ROCK2: variants seen among roughly 807,000 people sequenced by gnomAD.
ROCK2 encodes Rho associated coiled-coil containing protein kinase 2, also known as rho-associated protein kinase 2.
Under a neutral mutation model 195.1 loss-of-function variants are expected in ROCK2, and 61 were observed. The ratio of observed to expected loss-of-function variants is 0.31; its 90% CI spans 0.25 to 0.39. The LOEUF is 0.39. Ranked by LOEUF, ROCK2 falls within the 10% of genes least tolerant of loss-of-function variation. ROCK2 has a pLI of 1.00. For synonymous variants in ROCK2, 504 were observed against 545.5 expected, an observed-to-expected ratio of 0.92 and a Z score of 1.06; for missense variants, 1,109 against 1,637.4, an observed-to-expected ratio of 0.68 and a Z score of 5.57.
chr2:11,276,581 C>T (rs1285765194), intron 3 of ROCK2, among the ~76,000 whole-genome samples: 3 of 152,148 alleles, frequency 2.0e-5, no homozygotes, highest in African/African-American at 4.8e-5. Flanking sequence ...GTTAAAATGA[C>T]CATTACCCAA....
intron 1 of ROCK2, among the ~76,000 whole-genome samples, chr2:11,321,812 A>C (rs1462325846): frequency 6.6e-6 from 1 of 152,144 alleles, no homozygotes; most frequent in Non-Finnish European, 1.5e-5. Context: ...GATAGGTTTA[A>C]AAATAGATAA....
chr2:11,195,188 G>A (rs1009478080), intron 27 of ROCK2, 163 bp from the exon 28 acceptor site: 1 of 380,942 alleles, frequency 2.6e-6, no homozygotes, highest in East Asian at 3.9e-5. Context: ...AGGATCAGTA[G>A]TAAAAAGTTA....
chr2:11,193,799 C>T lies in ROCK2; in HGVS notation c.3667G>A (p.Glu1223Lys). The T allele has an allele frequency of 6.3e-7, 1 of 1,593,006 alleles. No individual in the cohort carries two copies. The highest frequency in any genetic ancestry group is 1.4e-5 in the African/African-American group (1 of 73,734). Residue 1223 changes from glutamate (E) to lysine (K), a missense_variant, in exon 30 of 33, where the codon GAA (glutamate) becomes AAA (lysine). This residue lies in a region of ROCK2 where 221 missense variants were observed against 355.1 expected (regional missense o/e 0.62). Transcript: ENST00000315872. ...TTTACCTGGAATATCCTTGGAATTT[C>T]TTTAGCATCTGCTCTATACACATCT... ...QTDVYRADAK[E>K]IPRIFQILYA...
intron 6 of ROCK2, 54 bp downstream of exon 6, chr2:11,227,200 A>C: frequency 6.8e-7 from 1 of 1,474,082 alleles, no homozygotes; most frequent in South Asian, 1.2e-5. Context: ...TTCTTGACTG[A>C]AATAAAGTAT....
intron 1 of ROCK2, among the ~76,000 whole-genome samples, chr2:11,323,294 T>C (rs1668452868): frequency 6.6e-6 from 1 of 152,218 alleles, no homozygotes; most frequent in South Asian, 2.1e-4. Context: ...CTGCATGACT[T>C]TGGACAAACC....
chr2:11,232,811 C>A (rs1173280551), intron 5 of ROCK2, among the ~76,000 whole-genome samples: 3 of 152,126 alleles, frequency 2.0e-5, no homozygotes, highest in African/African-American at 7.2e-5. Context: ...AATCCCTGTA[C>A]ATGAACAAGA....
At position 11,319,643 on chromosome 2, in the gene ROCK2, T is replaced by C. The variant is rs547946748; in HGVS notation, c.141+24353A>G. On this transcript the variant is annotated intron_variant, in intron 1 of 32. Transcript: ENST00000315872. Reference sequence around the variant, plus strand: ...CCAGAACTTCCAACACTATGTTGAATAGGAGTGGTGAGAGAGGGCATCCCT... The same window carrying C: ...CCAGAACTTCCAACACTATGTTGAACAGGAGTGGTGAGAGAGGGCATCCCT... Among the ~76,000 whole-genome samples the C allele has an allele frequency of 4.2e-3, 640 of 152,236 alleles. 3 individuals are homozygous for C. Among genetic ancestry groups the C allele is most frequent in the African/African-American group, 0.014 (570 of 41,548 alleles).
At chr2:11,234,943 AAGCAT>A (rs761869990) in intron 5 of ROCK2, among the ~76,000 whole-genome samples, 2 of 152,174 alleles carry the variant, frequency 1.3e-5, no homozygotes, top group Non-Finnish European at 2.9e-5. Flanking sequence ...TTGGCTTTAT[AAGCAT>A]ACTGGAAAGT....
At chr2:11,238,737 T>C (rs909355951) in intron 4 of ROCK2, among the ~76,000 whole-genome samples, 1 of 152,030 alleles carries the variant, frequency 6.6e-6, no homozygotes, top group African/African-American at 2.4e-5. Flanking sequence ...TCCCAGCTAC[T>C]TGGGAGGCTG....
At chr2:11,280,236 G>A (rs994866259) in intron 3 of ROCK2, among the ~76,000 whole-genome samples, 8 of 151,996 alleles carry the variant, frequency 5.3e-5, no homozygotes, top group African/African-American at 1.9e-4. Context: ...TATTGATAAG[G>A]CTCTAGCCAG....
chr2:11,254,320 T>C (rs1488242184), intron 3 of ROCK2, among the ~76,000 whole-genome samples: 1 of 152,162 alleles, frequency 6.6e-6, no homozygotes, highest in African/African-American at 2.4e-5. Context: ...AAGTCAATAT[T>C]GCAACCAGTG....
intron 1 of ROCK2, among the ~76,000 whole-genome samples, chr2:11,332,220 C>CAA (rs1256264930): frequency 6.6e-6 from 1 of 151,710 alleles, no homozygotes; most frequent in Non-Finnish European, 1.5e-5. Flanking sequence ...TCCTTGGAAA[C>CAA]AAAAAGTATC....
chr2:11,302,630 A>G (rs1667743172), intron 1 of ROCK2, among the ~76,000 whole-genome samples: 2 of 152,306 alleles, frequency 1.3e-5, no homozygotes, highest in Admixed American at 6.5e-5. Flanking sequence ...ACATCTGGCT[A>G]CCAAGCACCT....
In ROCK2 at chr2:11,183,175, A is replaced by C. The variant is rs1663068825; in HGVS notation, c.*262T>G. On this transcript the variant is annotated 3_prime_UTR_variant, in exon 33 of 33. Coordinates refer to ENST00000315872, the MANE Select transcript of ROCK2 (RefSeq NM_004850.5). ...TTGTAGTGTGAGCGACTGCCGAGAG[A>C]GCTTTATGGAAAAGTCTGGAAGAGT... The C allele has an allele frequency of 1.1e-5, 4 of 364,926 alleles. No homozygotes were observed. The South Asian group carries it at 3.2e-4, about 29-fold the overall frequency. The allele number at this position is 364,926 out of a possible 1,614,324, so 22.6% of individuals were successfully genotyped here.
chr2:11,334,383 C>A (rs1355092124), intron 1 of ROCK2, among the ~76,000 whole-genome samples: 1 of 151,912 alleles, frequency 6.6e-6, no homozygotes, highest in Non-Finnish European at 1.5e-5. Context: ...TGGTGGTGCA[C>A]ACCTGTAGTC....
chr2:11,201,487 C>CA lies in ROCK2; in HGVS notation c.2620-75dup. 1.2e-6 allele frequency: 1 copy of CA among 831,416 alleles called. No individual in the cohort carries two copies. Among genetic ancestry groups the CA allele is most frequent in the East Asian group, 2.6e-5 (1 of 39,108 alleles). The allele number at this position is 831,416 out of a possible 1,614,324, so 51.5% of individuals were successfully genotyped here. ...CTTCTACATTCAAAAGCTATTCAGA[C>CA]AAAAAGGAGAATGAACACATACAAA... On this transcript the variant is annotated intron_variant, in intron 21 of 32. Transcript: ENST00000315872. This position sits in a 1 kb window ranked among gnomAD's most constrained non-coding sequence, Gnocchi z 4.6.
In ROCK2 at chr2:11,256,426, T is replaced by C. The variant is rs564072300; in HGVS notation, c.325-6628A>G. On this transcript the variant is annotated intron_variant, in intron 3 of 32. Transcript: ENST00000315872. Reference sequence around the variant, plus strand: ...GCTTCCCTTTCACCTTCTGCCATGATTGTAAATTTCCTGAGGCCTGCCCAG... The same window carrying C: ...GCTTCCCTTTCACCTTCTGCCATGACTGTAAATTTCCTGAGGCCTGCCCAG... 1.5e-3 allele frequency among the ~76,000 whole-genome samples: 230 copies of C among 151,468 alleles called. 10 individuals carry two copies. The highest frequency in any genetic ancestry group is 5.3e-3 in the African/African-American group (215 of 40,764).
At chr2:11,189,738 T>A (rs1415277042) in intron 32 of ROCK2, among the ~76,000 whole-genome samples, 3 of 152,034 alleles carry the variant, frequency 2.0e-5, no homozygotes, top group Non-Finnish European at 4.4e-5. Flanking sequence ...TCCTAGCACT[T>A]TGGGAGGCCG....
At chr2:11,254,685 A>G (rs1665956103) in intron 3 of ROCK2, among the ~76,000 whole-genome samples, 1 of 132,392 alleles carries the variant, frequency 7.6e-6, no homozygotes, top group Non-Finnish European at 1.6e-5. Context: ...GCTTAAGCCC[A>G]AGAGTTTGAG....
Sources: allele counts gnomAD v4.1 joint callset (sites outside exome capture counted in the v4.1 genomes callset), GRCh38; gene constraint gnomAD v4.1.1; regional missense constraint gnomAD v4.1.1; non-coding constraint Gnocchi (gnomAD v3.1); transcripts MANE v1.5; gene names NCBI Gene and HGNC (gene_info 2026-07-23, HGNC 2026-07-21).